The following EPHA5 variants were observed in gnomAD, a reference collection of about 807,000 sequenced individuals.
The protein encoded by EPHA5 is EPH receptor A5.
EPHA5 carries 60 observed loss-of-function variants against 105.0 expected under a neutral mutation model. That is an observed-to-expected ratio of 0.57 (90% CI 0.46 to 0.71). EPHA5 has a LOEUF of 0.71. Ranked by LOEUF, EPHA5 falls within the 30% of genes least tolerant of loss-of-function variation. The pLI, the probability that EPHA5 is intolerant of heterozygous loss-of-function variation, is 0.00. For missense variants in EPHA5, 1,218 were observed against 1,274.7 expected (o/e 0.96, Z 0.68); for synonymous variants, 513 against 449.1 (o/e 1.14, Z -1.80).
At chr4:65,449,618 C>G (rs930329139) in intron 5 of EPHA5, among the ~76,000 whole-genome samples, 7 of 152,036 alleles carry the variant, frequency 4.6e-5, no homozygotes, top group Admixed American at 1.3e-4. Flanking sequence ...ATGGGTTGAA[C>G]AGTGTTCCCC....
chr4:65,495,806 T>G (rs866374315), intron 3 of EPHA5, among the ~76,000 whole-genome samples: 1 of 152,180 alleles, frequency 6.6e-6, no homozygotes, highest in South Asian at 2.1e-4. Context: ...TATAAGGAAT[T>G]ATATTGATAA....
rs538967594 is a variant in EPHA5 at position 65,657,226 on chromosome 4, C to T, written c.181+12336G>A. On this transcript the variant is annotated intron_variant, in intron 1 of 16. Transcript: ENST00000613740. ...ATCTATAACAAATGAAAGAGTAAAT[C>T]CTTCTGCCCCCCAAGAAATTTAAAC... Among the ~76,000 whole-genome samples, 9 of 151,938 alleles carry T rather than the reference C, an allele frequency of 5.9e-5. No homozygotes were observed. In the South Asian group the frequency reaches 1.5e-3, roughly 25 times the overall value.
chr4:65,594,698 A>G (rs1742998820), intron 3 of EPHA5, among the ~76,000 whole-genome samples: 1 of 152,192 alleles, frequency 6.6e-6, no homozygotes, highest in Non-Finnish European at 1.5e-5. Context: ...ATCAACATAT[A>G]GCAGAAGAGT....
intron 3 of EPHA5, among the ~76,000 whole-genome samples, chr4:65,518,261 T>C (rs983561622): frequency 6.6e-6 from 1 of 152,018 alleles, no homozygotes; most frequent in Non-Finnish European, 1.5e-5. Flanking sequence ...ATTATCTTTT[T>C]CTTTATTATC....
At chr4:65,509,138 CTTAAA>C (rs1733353704) in intron 3 of EPHA5, among the ~76,000 whole-genome samples, 1 of 152,092 alleles carries the variant, frequency 6.6e-6, no homozygotes. Flanking sequence ...CCTACTGGGT[CTTAAA>C]TTAAACAATT....
chr4:65,343,029 C>T (rs2148828154), intron 14 of EPHA5, among the ~76,000 whole-genome samples: 1 of 152,150 alleles, frequency 6.6e-6, no homozygotes, highest in Admixed American at 6.6e-5. Flanking sequence ...AAAAAACAGG[C>T]TACTTAAATT....
At chr4:65,344,142 A>G (rs1721996893) in intron 14 of EPHA5, among the ~76,000 whole-genome samples, 1 of 152,196 alleles carries the variant, frequency 6.6e-6, no homozygotes, top group African/African-American at 2.4e-5. Flanking sequence ...GAGTAGTGTC[A>G]TTGACTCAGC....
chr4:65,665,375 A>G (rs1749880030), intron 1 of EPHA5, among the ~76,000 whole-genome samples: 1 of 152,046 alleles, frequency 6.6e-6, no homozygotes, highest in African/African-American at 2.4e-5. Flanking sequence ...GTAGCAATCA[A>G]TTCTGAATAA....
rs370633345 is a variant in EPHA5 at position 65,490,434 on chromosome 4, C to T, written c.1345G>A (p.Asp449Asn). ...FEIEAVNGVS[D>N]LSPGARQYVS... ...TACTGCCGGGCTCCTGGGCTCAAGT[C>T]GGACACTCCATTCACTGCCTCAATC... Residue 449 changes from aspartate (D) to asparagine (N), a missense_variant, in exon 5 of 17, where the codon GAC becomes AAC. Physicochemically the swap from Asp to Asn is conservative, Grantham distance 23. Coordinates refer to ENST00000613740, the MANE Select transcript of EPHA5 (RefSeq NM_001281766.3). 8.7e-6 allele frequency: 14 copies of T among 1,613,970 alleles called. No individual in the cohort carries two copies. Among genetic ancestry groups the T allele is most frequent in the East Asian group, 4.5e-5 (2 of 44,880 alleles).
intron 8 of EPHA5, among the ~76,000 whole-genome samples, chr4:65,368,113 C>G (rs1477260402): frequency 3.3e-5 from 5 of 152,044 alleles, no homozygotes; most frequent in Non-Finnish European, 7.4e-5. Flanking sequence ...CTTAGTTTTT[C>G]ATTATTCTTG....
At chr4:65,559,068 G>GA (rs1363038519) in intron 3 of EPHA5, among the ~76,000 whole-genome samples, 3 of 151,590 alleles carry the variant, frequency 2.0e-5, no homozygotes, top group Non-Finnish European at 2.9e-5. Flanking sequence ...TTGAAATTAG[G>GA]AAAAAATCAA....
chr4:65,406,805 C>T (rs1440907065), intron 7 of EPHA5, among the ~76,000 whole-genome samples: 1 of 152,066 alleles, frequency 6.6e-6, no homozygotes, highest in Non-Finnish European at 1.5e-5. Context: ...CCTTATACCA[C>T]ATCTACCCCC....
At chr4:65,564,064 TCA>T (rs369731872) in intron 3 of EPHA5, among the ~76,000 whole-genome samples, 3,707 of 152,076 alleles carry the variant, frequency 0.024, 152 homozygotes, top group African/African-American at 0.083. Context: ...TTGCTATGCT[TCA>T]CACAGTTTTA....
At chr4:65,568,449 T>C (rs1739784351) in intron 3 of EPHA5, among the ~76,000 whole-genome samples, 1 of 151,396 alleles carries the variant, frequency 6.6e-6, no homozygotes, top group Admixed American at 6.6e-5. Flanking sequence ...AATAATCATA[T>C]ATTTGGACTA....
At chr4:65,548,467 TG>T (rs1393035429) in intron 3 of EPHA5, among the ~76,000 whole-genome samples, 1 of 151,736 alleles carries the variant, frequency 6.6e-6, no homozygotes, top group African/African-American at 2.4e-5. Flanking sequence ...TACCTCTAAT[TG>T]TCACAGAAAG....
chr4:65,582,909 A>G (rs1220911333), intron 3 of EPHA5, among the ~76,000 whole-genome samples: 1 of 151,686 alleles, frequency 6.6e-6, no homozygotes, highest in Non-Finnish European at 1.5e-5. Flanking sequence ...TGCCTTTGAC[A>G]TTACCTCCAC....
intron 8 of EPHA5, among the ~76,000 whole-genome samples, chr4:65,400,942 T>C (rs1307043694): frequency 3.3e-5 from 5 of 152,198 alleles, no homozygotes; most frequent in Admixed American, 6.5e-5. Flanking sequence ...TTAAATGATA[T>C]GTTACCTAGG....
At chr4:65,381,301 T>A (rs1195787267) in intron 8 of EPHA5, among the ~76,000 whole-genome samples, 4 of 151,766 alleles carry the variant, frequency 2.6e-5, no homozygotes, top group African/African-American at 4.8e-5. Context: ...ATTAAATTTT[T>A]AAAAATTAGG....
At chr4:65,566,197 G>A (rs1236606399) in intron 3 of EPHA5, among the ~76,000 whole-genome samples, 1 of 151,628 alleles carries the variant, frequency 6.6e-6, no homozygotes, top group Non-Finnish European at 1.5e-5. Context: ...TTTCTGTTTA[G>A]CAATTCCATT....
Sources: allele counts gnomAD v4.1 joint callset (sites outside exome capture counted in the v4.1 genomes callset), GRCh38; gene constraint gnomAD v4.1.1; transcripts MANE v1.5; gene names NCBI Gene and HGNC (gene_info 2026-07-23, HGNC 2026-07-21).